PLXNB1: variants seen among roughly 807,000 people sequenced by gnomAD.
The protein encoded by PLXNB1 is plexin-B1.
A neutral mutation model predicts 209.4 loss-of-function variants in PLXNB1; 106 were observed. The observed-to-expected ratio is 0.51, with a 90% CI of 0.43 to 0.59. PLXNB1 has a LOEUF of 0.59. PLXNB1 is among the 20% of genes least tolerant of loss of function. The pLI is 0.00. For missense variants in PLXNB1, 2,357 were observed against 2,853.2 expected, an observed-to-expected ratio of 0.83 and a Z score of 3.96; for synonymous variants, 1,167 against 1,183.2, an observed-to-expected ratio of 0.99 and a Z score of 0.28.
At position 48,410,454 on chromosome 3, in the gene PLXNB1, C is replaced by A. The variant is rs1351948914; in HGVS notation, c.5520+1G>T. 6.2e-7 allele frequency: 1 copy of A among 1,613,608 alleles called. No individual in the cohort carries two copies. The highest frequency in any genetic ancestry group is 1.1e-5 in the South Asian group (1 of 91,060). ...CCTCCTCCAGCTCCCACTCCTCCTA[C>A]CTTGTAATGCTGCAGTGTGTTCAGG... On this transcript the variant is annotated splice_donor_variant, in intron 30 of 37. Coordinates refer to ENST00000296440, the MANE Select transcript of PLXNB1 (RefSeq NM_001130082.3). LOFTEE classifies it high-confidence loss of function. The surrounding 1 kb of genome is among the most constrained non-coding windows in gnomAD (Gnocchi z 6.4).
chr3:48,424,698 T>C (rs1309905873), intron 2 of PLXNB1, 81 bp from the exon 3 acceptor site: 6 of 1,405,514 alleles, frequency 4.3e-6, no homozygotes, highest in Admixed American at 2.3e-5. Flanking sequence ...GATAGGACTG[T>C]GGCATTGCCA....
intron 7 of PLXNB1, 121 bp downstream of exon 7, chr3:48,421,550 AAAG>A: frequency 1.6e-6 from 2 of 1,221,790 alleles, no homozygotes; most frequent in South Asian, 1.5e-5. Context: ...TGAGCTCCTA[AAAG>A]AAGTGACTTG....
At chr3:48,407,348 C>T (rs1365102599) in intron 34 of PLXNB1, among the ~76,000 whole-genome samples, 1 of 152,144 alleles carries the variant, frequency 6.6e-6, no homozygotes, top group Non-Finnish European at 1.5e-5. Flanking sequence ...TTTCTCAGCT[C>T]CACATGCCAC....
chr3:48,423,728 G>A lies in PLXNB1; in HGVS notation c.884C>T (p.Ala295Val). 1 of 1,613,814 alleles carries A rather than the reference G, an allele frequency of 6.2e-7. No individual in the cohort carries two copies. Among genetic ancestry groups the A allele is most frequent in the Non-Finnish European group, 8.5e-7 (1 of 1,179,940 alleles). ...REVAHGEVLFAAFSSAAPPTV... is the reference protein window; with the variant it reads ...REVAHGEVLFVAFSSAAPPTV... ...GGGGGGTGCAGCCGAGGAGAAAGCTGCAAAGAGCACCTCCCCATGCGCCAC... is the reference window on the plus strand; with the variant it reads ...GGGGGGTGCAGCCGAGGAGAAAGCTACAAAGAGCACCTCCCCATGCGCCAC... Residue 295 changes from alanine (A) to valine (V), a missense_variant, in exon 3 of 38, where the codon GCA becomes GTA. Physicochemically the swap from Ala to Val is moderately conservative, Grantham distance 64. Around this residue, in one of 7 missense-constraint regions of PLXNB1, gnomAD observed 404 missense variants for 443.6 expected, o/e 0.91. Transcript: ENST00000296440.
intron 1 of PLXNB1, among the ~76,000 whole-genome samples, chr3:48,427,934 C>A (rs1007447420): frequency 4.5e-4 from 68 of 152,338 alleles, no homozygotes; most frequent in African/African-American, 1.6e-3. Flanking sequence ...GGCAGGATTG[C>A]TCTGACCAGT....
At position 48,404,511 on chromosome 3, in the gene PLXNB1, AC is replaced by A; in HGVS notation, c.6382del (p.Val2128TrpfsTer39). 6.2e-7 allele frequency: 1 copy of A among 1,612,742 alleles called. No homozygotes were observed. Among genetic ancestry groups the A allele is most frequent in the Non-Finnish European group, 8.5e-7 (1 of 1,178,890 alleles). On this transcript the variant is annotated frameshift_variant, in exon 38 of 38. Coordinates refer to ENST00000296440, the MANE Select transcript of PLXNB1 (RefSeq NM_001130082.3). LOFTEE classifies it high-confidence loss of function. ...CTATAGATCTGTGACCTTGTTTTCCACAGCAGCTGCAATCTGCTGGAGCCGA... is the reference window on the plus strand; with the variant it reads ...CTATAGATCTGTGACCTTGTTTTCCAAGCAGCTGCAATCTGCTGGAGCCGA... ...GYRLQQIAAAVENKVTDL is the reference protein window; with the variant it reads ...GYRLQQIAAAXENKVTDL
Position 48,409,257 on chromosome 3 carries a change from C to A in PLXNB1, c.6087+72G>T. On this transcript the variant is annotated intron_variant, in intron 34 of 37. Transcript: ENST00000296440. The surrounding 1 kb of genome is among the most constrained non-coding windows in gnomAD (Gnocchi z 5.8). ...CCCTCCTTGAAGTTCTCAGAAAAGC[C>A]TGGAATCTGAGTGCACACACAGCAC... The A allele has an allele frequency of 1.5e-5, 23 of 1,559,710 alleles. No homozygotes were observed. Among genetic ancestry groups the A allele is most frequent in the Non-Finnish European group, 1.9e-5 (22 of 1,144,596 alleles).
In PLXNB1 at chr3:48,423,861, C is replaced by G; in HGVS notation, c.751G>C (p.Val251Leu). The change falls in exon 3 of 38, where the codon GTG becomes CTG. Residue 251 changes from valine to leucine, a missense_variant. Val to Leu is a conservative substitution (Grantham distance 32). Transcript: ENST00000296440. The part of the protein sequence containing the change: ...SRAFRAYVSR[V>L]CLRDQHYYSY... ...TAGTAGTGCTGGTCCCGGAGACACACTCGAGATACATAGGCACGAAAAGCT... is the reference window on the plus strand; with the variant it reads ...TAGTAGTGCTGGTCCCGGAGACACAGTCGAGATACATAGGCACGAAAAGCT... The G allele has an allele frequency of 6.2e-7, 1 of 1,614,048 alleles. No homozygotes were observed. Among genetic ancestry groups the G allele is most frequent in the Non-Finnish European group, 8.5e-7 (1 of 1,180,022 alleles).
rs777535314 is a variant in PLXNB1 at position 48,407,084 on chromosome 3, G to A, written c.6095C>T (p.Pro2032Leu). ...CCGTGCATACAGAAGTTTGTTGATC[G>A]GGGAGTCCTGGACATAGCAGGAGGA... is the stretch of plus-strand genomic sequence containing the variant. ...LADHKLGRDS[P>L]INKLLYARDI... The change falls in exon 35 of 38, where the codon CCG becomes CTG. Residue 2032 changes from proline (P) to leucine (L), a missense_variant. Around this residue, in one of 7 missense-constraint regions of PLXNB1, gnomAD observed 414 missense variants for 520.5 expected, o/e 0.80. Transcript: ENST00000296440. The A allele has an allele frequency of 9.3e-6, 15 of 1,613,924 alleles. No individual in the cohort carries two copies. Among genetic ancestry groups the A allele is most frequent in the South Asian group, 5.5e-5 (5 of 91,070 alleles).
At chr3:48,424,915 G>T (rs1392032389) in intron 2 of PLXNB1, among the ~76,000 whole-genome samples, 1 of 152,184 alleles carries the variant, frequency 6.6e-6, no homozygotes, top group Non-Finnish European at 1.5e-5. Context: ...GAGGGTGAGG[G>T]GCTGAGAGGC....
rs1032198403 is a variant in PLXNB1, at chr3:48,415,967, T to C, written c.3617+64A>G. 2.0e-6 allele frequency: 3 copies of C among 1,537,540 alleles called. No individual in the cohort carries two copies. Among genetic ancestry groups the C allele is most frequent in the African/African-American group, 2.7e-5 (2 of 73,226 alleles). ...TCCCCTTTCTGCTCTCCCCAGGATC[T>C]CAGACCCCTCCATCTTTCCCCTGGA... is the stretch of plus-strand genomic sequence containing the variant. On this transcript the variant is annotated intron_variant, in intron 18 of 37. Transcript: ENST00000296440. The surrounding 1 kb of genome is among the most constrained non-coding windows in gnomAD (Gnocchi z 5.0).
chr3:48,412,801 C>T lies in PLXNB1; in HGVS notation c.4795G>A (p.Val1599Met). 3.1e-6 allele frequency: 5 copies of T among 1,613,714 alleles called. No homozygotes were observed. The highest frequency in any genetic ancestry group is 4.2e-6 in the Non-Finnish European group (5 of 1,180,032). The change falls in exon 25 of 38, where the codon GTG (valine) becomes ATG (methionine). Residue 1599 changes from valine to methionine, a missense_variant. Physicochemically the swap from Val to Met is conservative, Grantham distance 21. Around this residue, in one of 7 missense-constraint regions of PLXNB1, gnomAD observed 743 missense variants for 896.2 expected, o/e 0.83. Coordinates refer to ENST00000296440, the MANE Select transcript of PLXNB1 (RefSeq NM_001130082.3). ...GAGAGCTGCCCCAGCCCTTGCTCCA[C>T]AGTGGGCCGTCTGCTCTCAGGCACA... ...LGVPESRRPTVEQGLGQLSNL... is the reference protein window; with the variant it reads ...LGVPESRRPTMEQGLGQLSNL...
In PLXNB1 at chr3:48,414,107, C is replaced by A; in HGVS notation, c.4210-36G>T. On this transcript the variant is annotated intron_variant, in intron 21 of 37. Coordinates refer to ENST00000296440, the MANE Select transcript of PLXNB1 (RefSeq NM_001130082.3). ...GGGTCACCGATCAGTCACTCAGGACCCTTCCCTCAGATCCTGTCCTCCCCA... is the reference window on the plus strand; with the variant it reads ...GGGTCACCGATCAGTCACTCAGGACACTTCCCTCAGATCCTGTCCTCCCCA... 1.9e-6 allele frequency: 3 copies of A among 1,606,084 alleles called. No individual in the cohort carries two copies. The South Asian group carries it at 3.3e-5, about 18-fold the overall frequency.
At chr3:48,421,621 A>G (rs1340996268) in intron 7 of PLXNB1, 53 bp downstream of exon 7, 1 of 1,529,204 alleles carries the variant, frequency 6.5e-7, no homozygotes, top group African/African-American at 1.4e-5. Context: ...CTCTACCCAG[A>G]CCTTGATGCC....
intron 1 of PLXNB1, among the ~76,000 whole-genome samples, chr3:48,426,143 T>C (rs986022059): frequency 6.6e-6 from 1 of 152,206 alleles, no homozygotes; most frequent in Non-Finnish European, 1.5e-5. Context: ...TTCAGAATAG[T>C]GCCAGGGCCC....
chr3:48,422,624 C>T lies in PLXNB1; in HGVS notation c.1290+141G>A, dbSNP rs1224780915. The T allele has an allele frequency of 6.5e-6, 8 of 1,224,464 alleles. No individual in the cohort carries two copies. In the East Asian group the frequency reaches 2.0e-4, roughly 31 times the overall value. 75.8% of individuals were successfully genotyped at this position (1,224,464 alleles called of 1,614,324 possible). A position where few individuals can be genotyped will look rare whatever the true frequency, so the allele number is the denominator to read the frequency against. ...GGGATGGAGGAAAGTCACAGGTAAA[C>T]ACCACCCAGTCCTGGGGAGAGGAGC... is the stretch of plus-strand genomic sequence containing the variant. On this transcript the variant is annotated intron_variant, in intron 4 of 37. Transcript: ENST00000296440.
Position 48,429,502 on chromosome 3 carries a change from T to TC in PLXNB1, c.-60+505dup, listed in dbSNP as rs1395216688. 6.7e-6 allele frequency: 1 copy of TC among 148,944 alleles called. No individual in the cohort carries two copies. Among genetic ancestry groups the TC allele is most frequent in the Non-Finnish European group, 1.5e-5 (1 of 67,194 alleles). 9.2% of individuals were successfully genotyped at this position (148,944 alleles called of 1,614,324 possible). ...TTCCCCCTCGCCTGCCGGGCTGCCCTCCCCCCGCCCGCCGCCCGGGCCAGG... is the reference window on the plus strand; with the variant it reads ...TTCCCCCTCGCCTGCCGGGCTGCCCTCCCCCCCGCCCGCCGCCCGGGCCAGG... On this transcript the variant is annotated intron_variant, in intron 1 of 37. Coordinates refer to ENST00000296440, the MANE Select transcript of PLXNB1 (RefSeq NM_001130082.3). This position sits in a 1 kb window ranked among gnomAD's most constrained non-coding sequence, Gnocchi z 6.4.
In PLXNB1 at chr3:48,420,061, G is replaced by C. The variant is rs1376512965; in HGVS notation, c.2225C>G (p.Ser742Cys). Residue 742 changes from serine to cysteine, a missense_variant, in exon 11 of 38, where the codon TCT becomes TGT. By Grantham distance (112) the Ser-to-Cys change is moderately radical. Coordinates refer to ENST00000296440, the MANE Select transcript of PLXNB1 (RefSeq NM_001130082.3). ...GGAGCCAGGGGAAGATATGGAGCCA[G>C]AACCTGCCCATGGCCCCCAGGGGCT... ...LLSPWGPWAGSGSISSPGSTG... is the reference protein window; with the variant it reads ...LLSPWGPWAGCGSISSPGSTG... 1.2e-6 allele frequency: 2 copies of C among 1,613,156 alleles called. No individual in the cohort carries two copies. The highest frequency in any genetic ancestry group is 3.3e-5 in the Admixed American group (2 of 59,968).
In PLXNB1 at chr3:48,418,412, C is replaced by A; in HGVS notation, c.3049+37G>T. ...GAGAGGCAGGCCTGGGAGAGCCCTG[C>A]TACCACCGCCAGCCCAGCAGCCCGC... is the stretch of plus-strand genomic sequence containing the variant. On this transcript the variant is annotated intron_variant, in intron 14 of 37. Transcript: ENST00000296440. The surrounding 1 kb of genome is among the most constrained non-coding windows in gnomAD (Gnocchi z 6.6). The A allele has an allele frequency of 1.9e-6, 3 of 1,612,880 alleles. No homozygotes were observed. Among genetic ancestry groups the A allele is most frequent in the Non-Finnish European group, 2.5e-6 (3 of 1,179,684 alleles).
Sources: allele counts gnomAD v4.1 joint callset (sites outside exome capture counted in the v4.1 genomes callset), GRCh38; gene constraint gnomAD v4.1.1; regional missense constraint gnomAD v4.1.1; non-coding constraint Gnocchi (gnomAD v3.1); transcripts MANE v1.5; gene names NCBI Gene and HGNC (gene_info 2026-07-23, HGNC 2026-07-21).